Variants in PCDH15 observed in about 807,000 individuals in gnomAD.
PCDH15 encodes protocadherin related 15.
PCDH15 carries 129 observed loss-of-function variants against 178.5 expected under a neutral mutation model. The ratio of observed to expected loss-of-function variants is 0.72; its 90% confidence interval spans 0.63 to 0.84. PCDH15 has a LOEUF of 0.84. Among genes scored for constraint, PCDH15 ranks in the 40% least tolerant of loss-of-function variants. PCDH15 has a pLI of 0.00. For missense variants in PCDH15, 2,230 were observed against 2,099.9 expected, an observed-to-expected ratio of 1.06 and a Z score of -1.21; for synonymous variants, 800 against 732.0, an observed-to-expected ratio of 1.09 and a Z score of -1.50.
At chr10:55,292,379 T>C (rs1564975607) in intron 1 of PCDH15, among the ~76,000 whole-genome samples, 1 of 152,092 alleles carries the variant, frequency 6.6e-6, no homozygotes, top group Non-Finnish European at 1.5e-5. Context: ...TTTATTTTAT[T>C]TTATTTCATG....
rs529937815 is a variant in PCDH15 at position 54,763,339 on chromosome 10, C to T, written c.-29+37586G>A. Among the ~76,000 whole-genome samples, 3 of 152,160 alleles carry T rather than the reference C, an allele frequency of 2.0e-5. No individual in the cohort carries two copies. The East Asian group carries it at 5.8e-4, about 29-fold the overall frequency. On this transcript the variant is annotated intron_variant, in intron 1 of 37. Coordinates refer to ENST00000644397, the MANE Select transcript of PCDH15 (RefSeq NM_001384140.1). Reference sequence around the variant, plus strand: ...TTTGTAGCTCAGATTCCATGAGACACTAAGAATACAGATGTTAGGAAGTTT... The same window carrying T: ...TTTGTAGCTCAGATTCCATGAGACATTAAGAATACAGATGTTAGGAAGTTT...
intron 2 of PCDH15, among the ~76,000 whole-genome samples, chr10:54,634,842 T>C (rs2093805332): frequency 6.6e-6 from 1 of 152,006 alleles, no homozygotes; most frequent in African/African-American, 2.4e-5. Context: ...TCCATGCTCC[T>C]AAAATGCCTT....
intron 2 of PCDH15, among the ~76,000 whole-genome samples, chr10:54,544,385 C>T (rs2133045408): frequency 6.6e-6 from 1 of 152,232 alleles, no homozygotes; most frequent in South Asian, 2.1e-4. Context: ...TATTTTACCA[C>T]CCTTGACATT....
chr10:54,360,769 C>T (rs1233931496), intron 5 of PCDH15, among the ~76,000 whole-genome samples: 2 of 151,746 alleles, frequency 1.3e-5, no homozygotes, highest in Admixed American at 1.3e-4. Context: ...TTACAGTGTC[C>T]CCTCATGATC....
At chr10:54,716,647 A>G (rs2095483045) in intron 1 of PCDH15, among the ~76,000 whole-genome samples, 1 of 152,062 alleles carries the variant, frequency 6.6e-6, no homozygotes. Flanking sequence ...TTATCAGCTT[A>G]AGGAGATTTT....
chr10:54,069,560 A>G (rs2094200625), intron 17 of PCDH15, among the ~76,000 whole-genome samples: 1 of 152,150 alleles, frequency 6.6e-6, no homozygotes, highest in East Asian at 1.9e-4. Context: ...TTTCCAGTTT[A>G]TATATTTCTT....
chr10:54,740,496 G>T (rs1944642862), intron 1 of PCDH15, among the ~76,000 whole-genome samples: 1 of 151,556 alleles, frequency 6.6e-6, no homozygotes, highest in African/African-American at 2.4e-5. Context: ...AATAGAATTA[G>T]CATATGATCC....
intron 2 of PCDH15, among the ~76,000 whole-genome samples, chr10:55,137,026 G>A (rs7916351): frequency 0.38 from 58,321 of 151,590 alleles, 11,940 homozygotes; most frequent in African/African-American, 0.53. Flanking sequence ...TAAATTTAAT[G>A]ATGGTTACAT....
intron 2 of PCDH15, among the ~76,000 whole-genome samples, chr10:55,073,728 T>C (rs566674978): frequency 6.6e-6 from 1 of 152,242 alleles, no homozygotes; most frequent in Admixed American, 6.6e-5. Context: ...TTGGTATTAG[T>C]TATTCTTTAT....
intron 3 of PCDH15, among the ~76,000 whole-genome samples, chr10:54,488,620 A>T (rs547132798): frequency 2.6e-5 from 4 of 152,114 alleles, no homozygotes; most frequent in African/African-American, 9.6e-5. Flanking sequence ...GTACTGGCAG[A>T]TAAGAAGAAT....
At chr10:54,398,068 C>G (rs1453286480) in intron 3 of PCDH15, among the ~76,000 whole-genome samples, 1 of 150,300 alleles carries the variant, frequency 6.7e-6, no homozygotes, top group Non-Finnish European at 1.5e-5. Flanking sequence ...AAGTCTTATC[C>G]CATGCAGAGA....
At chr10:54,686,356 G>T (rs914606149) in intron 1 of PCDH15, among the ~76,000 whole-genome samples, 4 of 152,038 alleles carry the variant, frequency 2.6e-5, no homozygotes, top group Non-Finnish European at 2.9e-5. Flanking sequence ...TTTTGCTTTA[G>T]ATCCTTTTTA....
At chr10:54,057,570 A>C (rs1438911710) in intron 18 of PCDH15, among the ~76,000 whole-genome samples, 1 of 151,984 alleles carries the variant, frequency 6.6e-6, no homozygotes, top group Admixed American at 6.6e-5. Context: ...GGGGTCCTGG[A>C]CCCAGCCCAG....
At chr10:53,992,331 G>A (rs182265369) in intron 21 of PCDH15, among the ~76,000 whole-genome samples, 74 of 152,316 alleles carry the variant, frequency 4.9e-4, no homozygotes, top group African/African-American at 1.6e-3. Flanking sequence ...CAGTGCGACA[G>A]TCTGCGGCTT....
chr10:54,843,059 C>T (rs955702483), intron 3 of PCDH15, among the ~76,000 whole-genome samples: 1 of 151,968 alleles, frequency 6.6e-6, no homozygotes, highest in African/African-American at 2.4e-5. Flanking sequence ...CTCTGACACA[C>T]ATTTCAAATA....
Position 55,440,709 on chromosome 10 carries a change from C to T in PCDH15, c.-156+186916G>A, listed in dbSNP as rs925704968. Among the ~76,000 whole-genome samples the T allele has an allele frequency of 2.0e-5, 3 of 152,092 alleles. No individual in the cohort carries two copies. In the East Asian group the frequency reaches 5.8e-4, roughly 29 times the overall value. On this transcript the variant is annotated intron_variant, in intron 2 of 5. Transcript: ENST00000613346. ...GTCAAGAGGCCAGGAGTAAAAAGCA[C>T]TCCGGGCATGTATCAGTCCGTTTTC...
chr10:54,099,804 A>G (rs1351690249), intron 15 of PCDH15, among the ~76,000 whole-genome samples: 4 of 152,058 alleles, frequency 2.6e-5, no homozygotes, highest in Non-Finnish European at 4.4e-5. Context: ...TTGTGAAATA[A>G]ACATTGAGAA....
intron 10 of PCDH15, among the ~76,000 whole-genome samples, chr10:54,197,118 T>C (rs2049750924): frequency 6.6e-6 from 1 of 152,162 alleles, no homozygotes; most frequent in Admixed American, 6.5e-5. Context: ...TGTAATGTTG[T>C]AGAAACTGTG....
At chr10:54,942,231 G>T (rs1257107834) in intron 2 of PCDH15, among the ~76,000 whole-genome samples, 3 of 151,828 alleles carry the variant, frequency 2.0e-5, no homozygotes, top group African/African-American at 4.8e-5. Context: ...CTCTTCTTGG[G>T]TCAAACCTCT....
Sources: allele counts gnomAD v4.1 joint callset (sites outside exome capture counted in the v4.1 genomes callset), GRCh38; gene constraint gnomAD v4.1.1; transcripts MANE v1.5; gene names NCBI Gene and HGNC (gene_info 2026-07-23, HGNC 2026-07-21).